The following CRISP1 variants were observed in gnomAD, a reference collection of about 807,000 sequenced individuals.
CRISP1 encodes cysteine-rich secretory protein 1.
A neutral mutation model predicts 33.1 loss-of-function variants in CRISP1; 44 were observed. That is an observed-to-expected ratio of 1.33 (90% CI 1.05 to 1.71). The LOEUF is 1.71. CRISP1 is among the 40% of genes most tolerant of loss of function. CRISP1 has a pLI of 0.00. For missense variants in CRISP1, 390 were observed against 301.2 expected, an observed-to-expected ratio of 1.29 and a Z score of -2.18; for synonymous variants, 103 against 98.7, an observed-to-expected ratio of 1.04 and a Z score of -0.26.
chr6:49,864,678 T>C (rs1771753712), intron 1 of CRISP1, among the ~76,000 whole-genome samples: 1 of 152,164 alleles, frequency 6.6e-6, no homozygotes. Flanking sequence ...CTTATTTACA[T>C]GTGCTTATCA....
chr6:49,848,174 TA>T (rs774282610), intron 4 of CRISP1, 34 bp downstream of exon 4: 4 of 1,183,724 alleles, frequency 3.4e-6, no homozygotes, highest in Admixed American at 2.3e-5. Flanking sequence ...TTTTTTTTTT[TA>T]GTCCAAAGGC....
At chr6:49,840,235 C>A (rs1770939122) in intron 6 of CRISP1, among the ~76,000 whole-genome samples, 1 of 152,150 alleles carries the variant, frequency 6.6e-6, no homozygotes, top group South Asian at 2.1e-4. Context: ...TGCAGTCATC[C>A]TTGTCTTACT....
intron 1 of CRISP1, among the ~76,000 whole-genome samples, chr6:49,865,963 G>A (rs571482417): frequency 6.6e-6 from 1 of 152,072 alleles, no homozygotes; most frequent in South Asian, 2.1e-4. Flanking sequence ...ATCTTTAATC[G>A]CCATTATCCA....
intron 1 of CRISP1, among the ~76,000 whole-genome samples, chr6:49,863,625 TA>T (rs1425060145): frequency 6.6e-6 from 1 of 152,196 alleles, no homozygotes; most frequent in African/African-American, 2.4e-5. Context: ...TTGTAAATCA[TA>T]AACAACTAAA....
chr6:49,875,002 G>A (rs1300567427), intron 1 of CRISP1, among the ~76,000 whole-genome samples: 1 of 151,954 alleles, frequency 6.6e-6, no homozygotes, highest in African/African-American at 2.4e-5. Context: ...ACTGACACAA[G>A]ACGAGGATGC....
At chr6:49,838,275 C>T (rs1770867054) in intron 7 of CRISP1, among the ~76,000 whole-genome samples, 162 bp downstream of exon 7, 1 of 152,128 alleles carries the variant, frequency 6.6e-6, no homozygotes, top group African/African-American at 2.4e-5. Flanking sequence ...CAATGGTTTT[C>T]AGTCACTCTG....
At chr6:49,871,178 T>C (rs2127479642), upstream of CRISP1, among the ~76,000 whole-genome samples, 1 of 151,916 alleles carries the variant, frequency 6.6e-6, no homozygotes, top group East Asian at 1.9e-4. Context: ...TGTGTCTGTC[T>C]TCCTTCTAAC....
chr6:49,836,742 C>A (rs1770810986), intron 7 of CRISP1, among the ~76,000 whole-genome samples: 1 of 152,146 alleles, frequency 6.6e-6, no homozygotes, highest in Non-Finnish European at 1.5e-5. Flanking sequence ...AACTGATTCA[C>A]CTTCCAGGAA....
chr6:49,871,053 A>C (rs1245725100), upstream of CRISP1, among the ~76,000 whole-genome samples: 2 of 151,986 alleles, frequency 1.3e-5, no homozygotes, highest in Non-Finnish European at 2.9e-5. Flanking sequence ...GTGAGCTGAG[A>C]GATCGCGCCA....
upstream of CRISP1, among the ~76,000 whole-genome samples, chr6:49,868,381 C>T (rs1446859041): frequency 1.3e-5 from 2 of 152,132 alleles, no homozygotes; most frequent in Non-Finnish European, 2.9e-5. Flanking sequence ...CATATCATAA[C>T]ATGATAGAAT....
At chr6:49,837,319 C>T (rs542334944) in intron 7 of CRISP1, among the ~76,000 whole-genome samples, 2 of 152,210 alleles carry the variant, frequency 1.3e-5, no homozygotes, top group South Asian at 2.1e-4. Context: ...ATTTCTCTTC[C>T]CTACTCTTCT....
chr6:49,872,239 A>T (rs1053592198), intron 1 of CRISP1, among the ~76,000 whole-genome samples: 4 of 151,218 alleles, frequency 2.6e-5, no homozygotes, highest in African/African-American at 9.7e-5. Context: ...CCACTTTTTG[A>T]TGGGGTTGTT....
At chr6:49,862,946 T>C (rs1323432316) in intron 1 of CRISP1, among the ~76,000 whole-genome samples, 2 of 152,090 alleles carry the variant, frequency 1.3e-5, no homozygotes, top group African/African-American at 4.8e-5. Flanking sequence ...AAATTAAGCA[T>C]TTCAGAATGA....
chr6:49,837,816 G>T (rs564705482), intron 7 of CRISP1, among the ~76,000 whole-genome samples: 2 of 151,588 alleles, frequency 1.3e-5, no homozygotes, highest in Non-Finnish European at 2.9e-5. Flanking sequence ...GCTTCAAAAA[G>T]TGAAATTTGG....
chr6:49,869,174 G>T (rs1771867252), upstream of CRISP1, among the ~76,000 whole-genome samples: 1 of 152,240 alleles, frequency 6.6e-6, no homozygotes, highest in South Asian at 2.1e-4. Context: ...CTCATTGATT[G>T]CAATCAGTTG....
In CRISP1 at chr6:49,876,452, T is replaced by G. The variant is rs185232013; in HGVS notation, c.-3+557A>C. On this transcript the variant is annotated intron_variant, in intron 1 of 7. Coordinates refer to the CRISP1 transcript ENST00000505118. Reference sequence around the variant, plus strand: ...CACTGTTGGTGGGAGTGTAAATTAGTTCAACAATGTGGAAGACAGTGTGAA... The same window carrying G: ...CACTGTTGGTGGGAGTGTAAATTAGGTCAACAATGTGGAAGACAGTGTGAA... Among the ~76,000 whole-genome samples, 22 of 149,732 alleles carry G rather than the reference T, an allele frequency of 1.5e-4. No individual in the cohort carries two copies. The East Asian group carries it at 4.3e-3, about 29-fold the overall frequency.
upstream of CRISP1, among the ~76,000 whole-genome samples, chr6:49,869,657 G>T (rs1022606092): frequency 3.3e-5 from 5 of 152,128 alleles, no homozygotes; most frequent in Non-Finnish European, 5.9e-5. Context: ...TATAAAGCTG[G>T]AAGTATGAAA....
At chr6:49,848,368 T>C (rs62404907) in intron 3 of CRISP1, 69 bp from the exon 4 acceptor site, 115,560 of 936,652 alleles carry the variant, frequency 0.12, 8,314 homozygotes, top group Non-Finnish European at 0.15. Flanking sequence ...TTTATTGTTT[T>C]TAATAATCCA....
At chr6:49,844,352 C>T (rs182014626) in intron 5 of CRISP1, among the ~76,000 whole-genome samples, 1 of 152,272 alleles carries the variant, frequency 6.6e-6, no homozygotes, top group African/African-American at 2.4e-5. Context: ...TTCAGAATGA[C>T]ATGATAGAGA....
Sources: gnomAD v4.1 joint callset for allele counts (sites outside exome capture counted in the v4.1 genomes callset) on GRCh38, gnomAD v4.1.1 for gene constraint, MANE v1.5 for transcripts, NCBI Gene and HGNC (gene_info 2026-07-23, HGNC 2026-07-21) for gene names.